GFRAL: variants seen among roughly 807,000 people sequenced by gnomAD.
GFRAL encodes the protein GDNF family receptor alpha like.
GFRAL carries 36 observed loss-of-function variants against 45.4 expected under a neutral mutation model. The observed-to-expected ratio is 0.79, with a 90% confidence interval of 0.61 to 1.05. The LOEUF is 1.05. Ranked by LOEUF, GFRAL falls within the 50% of genes least tolerant of loss-of-function variation. The pLI is 0.00. For synonymous variants in GFRAL, 166 were observed against 154.1 expected (o/e 1.08, Z -0.57); for missense variants, 507 against 467.5 (o/e 1.08, Z -0.78).
intron 5 of GFRAL, among the ~76,000 whole-genome samples, chr6:55,357,022 A>G (rs972844001): frequency 2.6e-5 from 4 of 151,746 alleles, no homozygotes; most frequent in African/African-American, 9.7e-5. Flanking sequence ...CTTGTCATTG[A>G]TTTCTAGTTT....
intron 6 of GFRAL, among the ~76,000 whole-genome samples, chr6:55,383,198 G>T (rs1187429737): frequency 6.6e-6 from 1 of 151,970 alleles, no homozygotes; most frequent in East Asian, 1.9e-4. Flanking sequence ...ATTTCTACAA[G>T]CAACTAGGTG....
chr6:55,378,133 A>G (rs1664168407), intron 6 of GFRAL, among the ~76,000 whole-genome samples: 1 of 152,036 alleles, frequency 6.6e-6, no homozygotes, highest in South Asian at 2.1e-4. Context: ...GTGGGTCCCC[A>G]CATTTCGTGC....
At chr6:55,401,014 C>A (rs1361090360) in intron 8 of GFRAL, among the ~76,000 whole-genome samples, 1 of 152,084 alleles carries the variant, frequency 6.6e-6, no homozygotes. Flanking sequence ...GCTACAGATA[C>A]AAGATATAGA....
chr6:55,400,270 T>G (rs539388457), intron 8 of GFRAL, among the ~76,000 whole-genome samples: 1 of 152,164 alleles, frequency 6.6e-6, no homozygotes, highest in South Asian at 2.1e-4. Flanking sequence ...TACATAAGTG[T>G]GTATACAGCC....
intron 5 of GFRAL, among the ~76,000 whole-genome samples, chr6:55,356,672 T>C (rs573949544): frequency 1.6e-3 from 247 of 152,046 alleles, no homozygotes; most frequent in African/African-American, 5.6e-3. Context: ...TGTTAATCTT[T>C]TGAATTTTTT....
At chr6:55,368,185 A>C (rs1047342851) in intron 6 of GFRAL, among the ~76,000 whole-genome samples, 1 of 151,524 alleles carries the variant, frequency 6.6e-6, no homozygotes, top group Non-Finnish European at 1.5e-5. Context: ...ACTTCATTTC[A>C]TTCATTTCAT....
At chr6:55,400,144 G>A (rs1170813988) in intron 8 of GFRAL, among the ~76,000 whole-genome samples, 1 of 83,314 alleles carries the variant, frequency 1.2e-5, no homozygotes, top group Admixed American at 1.5e-4. Context: ...GTGTAGACTT[G>A]CCTTTAATTA....
At chr6:55,364,872 A>T (rs1581913878) in intron 6 of GFRAL, among the ~76,000 whole-genome samples, 1 of 152,056 alleles carries the variant, frequency 6.6e-6, no homozygotes, top group African/African-American at 2.4e-5. Flanking sequence ...TCAGGTAGCG[A>T]GATGCCTCCA....
chr6:55,375,002 A>G (rs147968471), intron 6 of GFRAL, among the ~76,000 whole-genome samples: 2 of 152,274 alleles, frequency 1.3e-5, no homozygotes, highest in African/African-American at 4.8e-5. Flanking sequence ...TTATACCAGT[A>G]TCATACTGTT....
chr6:55,399,479 G>T, intron 8 of GFRAL, 38 bp downstream of exon 8: 1 of 1,316,274 alleles, frequency 7.6e-7, no homozygotes, highest in Non-Finnish European at 1.1e-6. Context: ...GTCTGAAAGG[G>T]AGTCACTTAG....
chr6:55,370,398 T>G (rs2127360500), intron 6 of GFRAL, among the ~76,000 whole-genome samples: 1 of 152,320 alleles, frequency 6.6e-6, no homozygotes, highest in South Asian at 2.1e-4. Context: ...TCACATTTTT[T>G]TGCCCCTTTA....
At chr6:55,393,153 G>A (rs934534451) in intron 6 of GFRAL, among the ~76,000 whole-genome samples, 1 of 152,052 alleles carries the variant, frequency 6.6e-6, no homozygotes, top group Non-Finnish European at 1.5e-5. Context: ...ATAAATCCTT[G>A]CCATTTAATC....
At chr6:55,390,617 T>C (rs549778321) in intron 6 of GFRAL, among the ~76,000 whole-genome samples, 1 of 152,152 alleles carries the variant, frequency 6.6e-6, no homozygotes, top group African/African-American at 2.4e-5. Flanking sequence ...AGGCCAGGCG[T>C]GGTGGCTCAC....
Position 55,399,367 on chromosome 6 carries a change from A to G in GFRAL, c.1049-2A>G, listed in dbSNP as rs1186782374. The stretch of plus-strand genomic sequence containing the variant: ...TATTTCTTAATCTTTTTCTTTTTCT[A>G]GGAGAAGTAATCTATGCTGCCATGT... On this transcript the variant is annotated splice_acceptor_variant, in intron 7 of 8. Coordinates refer to ENST00000340465, the MANE Select transcript of GFRAL (RefSeq NM_207410.2). LOFTEE classifies it high-confidence loss of function. 1 of 1,605,204 alleles carries G rather than the reference A, an allele frequency of 6.2e-7. No homozygotes were observed. The highest frequency in any genetic ancestry group is 8.5e-7 in the Non-Finnish European group (1 of 1,173,524).
In GFRAL at chr6:55,330,643, C is replaced by T. The variant is rs373863513; in HGVS notation, c.23-1072C>T. On this transcript the variant is annotated intron_variant, in intron 1 of 8. Transcript: ENST00000340465. ...GAGGTAGAAGACAGCATGGATCATT[C>T]GGGAAACGATAAATGCTTGAGACCT... Among the ~76,000 whole-genome samples, 45 of 152,180 alleles carry T rather than the reference C, an allele frequency of 3.0e-4. 1 individual carries two copies. In the South Asian group the frequency reaches 4.6e-3, roughly 15 times the overall value.
chr6:55,341,667 G>A (rs1448290716), intron 3 of GFRAL, among the ~76,000 whole-genome samples: 1 of 152,216 alleles, frequency 6.6e-6, no homozygotes, highest in Non-Finnish European at 1.5e-5. Context: ...AACAAAGCTG[G>A]ATGGAGAATG....
chr6:55,374,092 T>A (rs1768492745), intron 6 of GFRAL, among the ~76,000 whole-genome samples: 1 of 152,236 alleles, frequency 6.6e-6, no homozygotes, highest in South Asian at 2.1e-4. Flanking sequence ...TTCCTTTTTA[T>A]GGCTGCATAG....
chr6:55,332,887 CTA>C (rs975188063), intron 2 of GFRAL, among the ~76,000 whole-genome samples: 85 of 151,140 alleles, frequency 5.6e-4, no homozygotes, highest in African/African-American at 1.9e-3. Flanking sequence ...AATAAACTGT[CTA>C]TGTGGTAGAA....
intron 6 of GFRAL, among the ~76,000 whole-genome samples, chr6:55,387,814 A>G (rs971925598): frequency 2.0e-5 from 3 of 152,232 alleles, no homozygotes; most frequent in African/African-American, 7.2e-5. Flanking sequence ...AGTTGCAAGA[A>G]TGTTTTAATG....
Sources: gnomAD v4.1 joint callset for allele counts (sites outside exome capture counted in the v4.1 genomes callset) on GRCh38, gnomAD v4.1.1 for gene constraint, MANE v1.5 for transcripts, NCBI Gene and HGNC (gene_info 2026-07-23, HGNC 2026-07-21) for gene names.